Variants in GSAP observed in about 807,000 individuals in gnomAD.
The protein encoded by GSAP is gamma-secretase-activating protein.
A neutral mutation model predicts 131.7 loss-of-function variants in GSAP; 118 were observed. The ratio of observed to expected loss-of-function variants is 0.90; its 90% CI spans 0.77 to 1.04. GSAP has a LOEUF of 1.04. Among genes scored for constraint, GSAP ranks in the 50% least tolerant of loss-of-function variants. The pLI is 0.00. For synonymous variants in GSAP, 381 were observed against 363.4 expected (o/e 1.05, Z -0.55); for missense variants, 1,019 against 1,013.2 (o/e 1.01, Z -0.08).
intron 5 of GSAP, among the ~76,000 whole-genome samples, chr7:77,393,262 C>T (rs6961077): frequency 6.6e-6 from 1 of 152,044 alleles, no homozygotes; most frequent in Non-Finnish European, 1.5e-5. Context: ...ATAAACGTTT[C>T]CAAAATATTC....
Position 77,377,333 on chromosome 7 carries a change from C to T in GSAP, c.634G>A (p.Ala212Thr). ...RDRIAEDFVW[A>T]QWDMSEQRLY... ...CTCTGTTCTGACATATCCCACTGAG[C>T]CCAAACGAAATCCTCAGCTATTCTG... is the stretch of plus-strand genomic sequence containing the variant. Residue 212 changes from alanine (A) to threonine (T), a missense_variant, in exon 9 of 31, where the codon GCT (alanine) becomes ACT (threonine). Transcript: ENST00000257626. The T allele has an allele frequency of 2.5e-6, 4 of 1,588,064 alleles. No homozygotes were observed. The highest frequency in any genetic ancestry group is 3.4e-6 in the Non-Finnish European group (4 of 1,169,648).
At chr7:77,321,689 C>A (rs1443074934) in intron 24 of GSAP, among the ~76,000 whole-genome samples, 1 of 152,176 alleles carries the variant, frequency 6.6e-6, no homozygotes, top group African/African-American at 2.4e-5. Flanking sequence ...ACTTACAGAC[C>A]CCCATCCATC....
chr7:77,416,124 C>G (rs962666069), intron 1 of GSAP, 89 bp downstream of exon 1: 2 of 721,910 alleles, frequency 2.8e-6, no homozygotes, highest in African/African-American at 1.9e-5. Context: ...GGCGACGCCC[C>G]GGGTTGCTCC....
At chr7:77,334,605 AAG>A (rs1789685588) in intron 19 of GSAP, among the ~76,000 whole-genome samples, 1 of 149,772 alleles carries the variant, frequency 6.7e-6, no homozygotes, top group Admixed American at 6.6e-5. Flanking sequence ...AAAAAAAAAA[AAG>A]ATGAACCTGG....
intron 5 of GSAP, among the ~76,000 whole-genome samples, chr7:77,392,440 C>T (rs972865173): frequency 1.3e-5 from 2 of 151,098 alleles, no homozygotes; most frequent in African/African-American, 2.4e-5. Context: ...CCCAGCTACT[C>T]GGGAAACTGA....
intron 5 of GSAP, among the ~76,000 whole-genome samples, chr7:77,389,752 A>G (rs923856974): frequency 6.6e-5 from 10 of 152,318 alleles, no homozygotes; most frequent in Admixed American, 3.3e-4. Context: ...GTATGTGTGC[A>G]TGTGTCTTTA....
At chr7:77,363,354 G>A (rs775700738) in intron 12 of GSAP, among the ~76,000 whole-genome samples, 17 of 152,196 alleles carry the variant, frequency 1.1e-4, no homozygotes, top group Non-Finnish European at 4.4e-5. Flanking sequence ...ATGGACTAAT[G>A]TCCATCAGTG....
intron 5 of GSAP, among the ~76,000 whole-genome samples, chr7:77,388,293 C>T (rs917412335): frequency 2.6e-5 from 4 of 152,180 alleles, no homozygotes; most frequent in African/African-American, 7.2e-5. Context: ...CACTCCAATT[C>T]GGCAGCACAA....
At chr7:77,391,616 G>T (rs1407019459) in intron 5 of GSAP, among the ~76,000 whole-genome samples, 1 of 152,096 alleles carries the variant, frequency 6.6e-6, no homozygotes, top group East Asian at 1.9e-4. Context: ...TTGAGGCCAG[G>T]AATTTGAGAC....
chr7:77,336,614 A>G (rs112831817), intron 19 of GSAP, among the ~76,000 whole-genome samples: 30,546 of 151,908 alleles, frequency 0.2, 3,275 homozygotes, highest in African/African-American at 0.23. Flanking sequence ...TCAGCCTCCC[A>G]AGTAGCTGGG....
chr7:77,371,042 C>A lies in GSAP; in HGVS notation c.871+3028G>T, dbSNP rs541502022. Among the ~76,000 whole-genome samples the A allele has an allele frequency of 3.9e-5, 6 of 152,200 alleles. No homozygotes were observed. In the South Asian group the frequency reaches 1.2e-3, roughly 32 times the overall value. ...TGTCCTCCCTCCTGACCAAATACCCCCTCCTATGCCTTCAAATGCCAGCTA... is the reference window on the plus strand; with the variant it reads ...TGTCCTCCCTCCTGACCAAATACCCACTCCTATGCCTTCAAATGCCAGCTA... On this transcript the variant is annotated intron_variant, in intron 12 of 30. Coordinates refer to ENST00000257626, the MANE Select transcript of GSAP (RefSeq NM_017439.4).
rs1042480657 is a variant in GSAP, at chr7:77,314,503, T to C, written c.2090-14A>G. On this transcript the variant is annotated splice_polypyrimidine_tract_variant and intron_variant, in intron 26 of 30. Transcript: ENST00000257626. ...GAGTATGAAAACCTAGGATGAGAGA[T>C]CTGGAGGGTAAACACAGTCAGCCAA... 8.1e-6 allele frequency: 13 copies of C among 1,613,088 alleles called. No homozygotes were observed. Among genetic ancestry groups the C allele is most frequent in the Non-Finnish European group, 1.1e-5 (13 of 1,179,430 alleles).
chr7:77,361,046 C>A, intron 13 of GSAP, 145 bp from the exon 14 acceptor site: 1 of 587,224 alleles, frequency 1.7e-6, no homozygotes, highest in Admixed American at 2.7e-5. Context: ...TCATGGTTCC[C>A]CTCATTCTCC....
chr7:77,314,921 T>A (rs1367648475), intron 26 of GSAP: 1 of 159,116 alleles, frequency 6.3e-6, no homozygotes, highest in East Asian at 1.8e-4. Context: ...ATGGCTTATC[T>A]CTGGGTATGC....
In GSAP at chr7:77,355,435, C is replaced by CA. The variant is rs35161141; in HGVS notation, c.1121-6dup. 0.12 allele frequency: 153,784 copies of CA among 1,294,262 alleles called. 1,026 individuals carry two copies. The highest frequency in any genetic ancestry group is 0.21 in the South Asian group (15,712 of 73,830). The allele number at this position is 1,294,262 out of a possible 1,614,324, so 80.2% of individuals were successfully genotyped here. On this transcript the variant is annotated splice_polypyrimidine_tract_variant and splice_region_variant and intron_variant, in intron 15 of 30. Transcript: ENST00000257626. ...TATCAATCATTTCATTATTTCCTGG[C>CA]AAAAAAAAAAAAAACAGTAGATCAG...
At chr7:77,363,648 G>A (rs1794848908) in intron 12 of GSAP, among the ~76,000 whole-genome samples, 1 of 152,128 alleles carries the variant, frequency 6.6e-6, no homozygotes, top group South Asian at 2.1e-4. Context: ...ACATTTATAA[G>A]TATTCTGTTA....
chr7:77,400,632 A>G (rs11983905), intron 3 of GSAP, among the ~76,000 whole-genome samples: 113 of 152,316 alleles, frequency 7.4e-4, no homozygotes, highest in African/African-American at 2.6e-3. Context: ...GAGGTATGCT[A>G]AAGAGAAGAC....
intron 19 of GSAP, among the ~76,000 whole-genome samples, chr7:77,347,745 C>T (rs985384745): frequency 6.6e-6 from 1 of 151,800 alleles, no homozygotes; most frequent in Non-Finnish European, 1.5e-5. Context: ...AATATGCATA[C>T]CTATAACAAA....
chr7:77,402,751 A>T (rs867311495), intron 3 of GSAP, among the ~76,000 whole-genome samples: 4 of 149,596 alleles, frequency 2.7e-5, no homozygotes, highest in South Asian at 2.1e-4. Flanking sequence ...GGAGAAGGGG[A>T]GGGTTTGTTT....
Sources: gnomAD v4.1 joint callset for allele counts (sites outside exome capture counted in the v4.1 genomes callset) on GRCh38, gnomAD v4.1.1 for gene constraint, MANE v1.5 for transcripts, NCBI Gene and HGNC (gene_info 2026-07-23, HGNC 2026-07-21) for gene names.